PCDH7: variants seen among roughly 807,000 people sequenced by gnomAD.
PCDH7 encodes the protein protocadherin 7, also known as protocadherin-7.
Under a neutral mutation model 58.9 loss-of-function variants are expected in PCDH7, and 17 were observed. That is an observed-to-expected ratio of 0.29 (90% confidence interval 0.20 to 0.43). PCDH7 has a LOEUF of 0.43. PCDH7 is among the 20% of genes least tolerant of loss of function. The pLI is 1.00. For synonymous variants in PCDH7, 664 were observed against 616.4 expected, an observed-to-expected ratio of 1.08 and a Z score of -1.14; for missense variants, 1,274 against 1,441.0, an observed-to-expected ratio of 0.88 and a Z score of 1.88.
chr4:30,945,601 AGT>A (rs1268744548), intron 2 of PCDH7, among the ~76,000 whole-genome samples: 1 of 152,092 alleles, frequency 6.6e-6, no homozygotes, highest in Non-Finnish European at 1.5e-5. Context: ...TTTTTAAACA[AGT>A]ATTCTCTATT....
At chr4:30,954,191 G>T (rs1443801100) in intron 3 of PCDH7, among the ~76,000 whole-genome samples, 2 of 152,146 alleles carry the variant, frequency 1.3e-5, no homozygotes, top group African/African-American at 2.4e-5. Flanking sequence ...GAGTGTCTAT[G>T]CAGAATATAT....
At chr4:30,855,982 A>G (rs556495833) in intron 1 of PCDH7, among the ~76,000 whole-genome samples, 2 of 152,244 alleles carry the variant, frequency 1.3e-5, no homozygotes, top group African/African-American at 2.4e-5. Flanking sequence ...TGCAGTGACA[A>G]GTAATTTTAT....
At position 30,722,520 on chromosome 4, in the gene PCDH7, G is replaced by T; in HGVS notation, c.1098G>T (p.Trp366Cys). The change falls in exon 1 of 2, where the codon TGG (tryptophan) becomes TGT (cysteine). Residue 366 changes from tryptophan (W) to cysteine (C), a missense_variant. Transcript: ENST00000361762. The surrounding 1 kb of genome is among the most constrained non-coding windows in gnomAD (Gnocchi z 7.6). ...TGCGCCTTGACGAGACGTCCGGCTG[G>T]CTCAGCGTCCTGCACCGGATCGACC... 3.1e-6 allele frequency: 5 copies of T among 1,610,920 alleles called. No homozygotes were observed. Among genetic ancestry groups the T allele is most frequent in the Non-Finnish European group, 4.2e-6 (5 of 1,179,164 alleles).
chr4:30,903,337 A>T (rs1268261696), intron 1 of PCDH7, among the ~76,000 whole-genome samples: 1 of 152,134 alleles, frequency 6.6e-6, no homozygotes, highest in Non-Finnish European at 1.5e-5. Context: ...TCCAATCAGG[A>T]TTCAATAACT....
chr4:30,768,337 C>CATACATCTTCCAAGTAG (rs1721003169), intron 1 of PCDH7, among the ~76,000 whole-genome samples: 1 of 152,180 alleles, frequency 6.6e-6, no homozygotes, highest in Non-Finnish European at 1.5e-5. Flanking sequence ...AAGTAGTATG[C>CATACATCTTCCAAGTAG]TTTCACTTGC....
chr4:30,906,260 A>G (rs1402836258), intron 1 of PCDH7, among the ~76,000 whole-genome samples: 1 of 152,188 alleles, frequency 6.6e-6, no homozygotes, highest in African/African-American at 2.4e-5. Flanking sequence ...TCAAAGTCAT[A>G]TGGTTTAAGA....
At chr4:30,789,329 C>T (rs1362361251) in intron 1 of PCDH7, among the ~76,000 whole-genome samples, 2 of 152,176 alleles carry the variant, frequency 1.3e-5, no homozygotes, top group Non-Finnish European at 2.9e-5. Flanking sequence ...ACTTCAAAGG[C>T]ATTTCTGGAC....
At chr4:31,072,319 G>C (rs1758610358) in intron 3 of PCDH7, among the ~76,000 whole-genome samples, 1 of 152,122 alleles carries the variant, frequency 6.6e-6, no homozygotes, top group Non-Finnish European at 1.5e-5. Flanking sequence ...CATATATCTA[G>C]AGGAGAGTGG....
rs184434512 is a variant in PCDH7 at position 30,758,402 on chromosome 4, A to G, written c.70+33806A>G. 2.5e-3 allele frequency among the ~76,000 whole-genome samples: 381 copies of G among 152,338 alleles called. 2 individuals carry two copies. Among genetic ancestry groups the G allele is most frequent in the African/African-American group, 8.8e-3 (364 of 41,580 alleles). On this transcript the variant is annotated intron_variant, in intron 1 of 3. Coordinates refer to the PCDH7 transcript ENST00000509759. Reference sequence around the variant, plus strand: ...TTTACCCTAAGTGTCATGAGATGCCATTGGAAGACTGGCAGACAAATGGAA... The same window carrying G: ...TTTACCCTAAGTGTCATGAGATGCCGTTGGAAGACTGGCAGACAAATGGAA...
At chr4:31,145,259 T>A (rs1720602663), downstream of PCDH7, 1 of 152,092 alleles carries the variant, frequency 6.6e-6, no homozygotes, top group African/African-American at 2.4e-5. Flanking sequence ...TGAACCTCTC[T>A]TTAAAACTAA....
intron 3 of PCDH7, among the ~76,000 whole-genome samples, chr4:31,140,829 T>G (rs1720163120): frequency 6.6e-6 from 1 of 152,148 alleles, no homozygotes; most frequent in African/African-American, 2.4e-5. Flanking sequence ...ATGAAAAAAT[T>G]AAGAGAATCT....
chr4:30,890,834 T>C (rs1466600204), intron 1 of PCDH7, among the ~76,000 whole-genome samples: 1 of 152,140 alleles, frequency 6.6e-6, no homozygotes, highest in Admixed American at 6.6e-5. Context: ...TCAGTAATGA[T>C]TTCTTGATAT....
At chr4:30,971,145 G>C (rs1015478000) in intron 3 of PCDH7, among the ~76,000 whole-genome samples, 1 of 152,166 alleles carries the variant, frequency 6.6e-6, no homozygotes, top group African/African-American at 2.4e-5. Flanking sequence ...AAGTTGAAAG[G>C]TGAACAACAC....
intron 2 of PCDH7, among the ~76,000 whole-genome samples, chr4:30,947,614 T>A (rs972753413): frequency 2.0e-5 from 3 of 152,214 alleles, no homozygotes; most frequent in African/African-American, 7.2e-5. Context: ...TACCTAGCGA[T>A]GATTCAATGC....
At chr4:31,086,139 T>C (rs1578758224) in intron 3 of PCDH7, among the ~76,000 whole-genome samples, 3 of 152,306 alleles carry the variant, frequency 2.0e-5, no homozygotes, top group East Asian at 1.9e-4. Flanking sequence ...TAGAGGCTTA[T>C]TAGGTGAGGA....
At chr4:31,068,292 T>C (rs770659739) in intron 3 of PCDH7, among the ~76,000 whole-genome samples, 1 of 141,976 alleles carries the variant, frequency 7.0e-6, no homozygotes, top group Non-Finnish European at 1.5e-5. Context: ...GCGGTGAACC[T>C]AAAACTGCTC....
At chr4:31,029,197 A>G (rs1344053798) in intron 3 of PCDH7, among the ~76,000 whole-genome samples, 5 of 152,354 alleles carry the variant, frequency 3.3e-5, no homozygotes, top group Admixed American at 6.5e-5. Context: ...GCTATAGAAC[A>G]TTAATGCATC....
chr4:30,735,824 G>A (rs1378970336), downstream of PCDH7, among the ~76,000 whole-genome samples: 1 of 152,190 alleles, frequency 6.6e-6, no homozygotes, highest in Admixed American at 6.5e-5. Flanking sequence ...GTGACCATAA[G>A]GATGCCAGTA....
At position 31,027,416 on chromosome 4, in the gene PCDH7, A is replaced by ATATTTTATTT. The variant is rs368335116; in HGVS notation, c.*7+77217_*7+77226dup. 5.5e-4 allele frequency among the ~76,000 whole-genome samples: 84 copies of ATATTTTATTT among 151,998 alleles called. 3 individuals are homozygous for ATATTTTATTT. The South Asian group carries it at 0.017, about 31-fold the overall frequency. ...GTTATGTATGTGTATGTATGTTATT[A>ATATTTTATTT]TATTTTATTTTATTTTATTTTATTT... is the stretch of plus-strand genomic sequence containing the variant. On this transcript the variant is annotated intron_variant, in intron 3 of 3. Coordinates refer to the PCDH7 transcript ENST00000509759.
Sources: gnomAD v4.1 joint callset for allele counts (sites outside exome capture counted in the v4.1 genomes callset) on GRCh38, gnomAD v4.1.1 for gene constraint, Gnocchi (gnomAD v3.1) non-coding constraint, MANE v1.5 for transcripts, NCBI Gene and HGNC (gene_info 2026-07-23, HGNC 2026-07-21) for gene names.